RALA: variants seen among roughly 807,000 people sequenced by gnomAD.
RALA encodes RAS like proto-oncogene A, also known as ras-related protein Ral-A.
In RALA, 5 loss-of-function variants were observed where a neutral mutation model predicts 24.0. The observed-to-expected ratio is 0.21, with a 90% CI of 0.11 to 0.44. The LOEUF is 0.44. RALA is among the 20% of genes least tolerant of loss of function. RALA has a pLI of 0.99. For synonymous variants in RALA, 77 were observed against 83.8 expected, an observed-to-expected ratio of 0.92 and a Z score of 0.44; for missense variants, 95 against 241.2, an observed-to-expected ratio of 0.39 and a Z score of 4.01.
chr7:39,650,143 G>C (rs1421308660), intron 1 of RALA, among the ~76,000 whole-genome samples: 2 of 152,148 alleles, frequency 1.3e-5, no homozygotes, highest in Non-Finnish European at 2.9e-5. Context: ...GAGAATTTCT[G>C]GAGCAGTCTC....
chr7:39,666,544 A>T (rs1792289492), intron 1 of RALA, among the ~76,000 whole-genome samples: 1 of 152,240 alleles, frequency 6.6e-6, no homozygotes, highest in African/African-American at 2.4e-5. Flanking sequence ...CTTTAAATTT[A>T]AAAAGTGACA....
In RALA at chr7:39,648,883, A is replaced by C. The variant is rs555454298; in HGVS notation, c.-38+25058A>C. Among the ~76,000 whole-genome samples the C allele has an allele frequency of 2.6e-5, 4 of 152,236 alleles. 1 individual carries two copies. Among genetic ancestry groups the C allele is most frequent in the South Asian group, 2.1e-4 (1 of 4,818 alleles). On this transcript the variant is annotated intron_variant, in intron 1 of 4. Transcript: ENST00000005257. ...GAGACAGTAGAGGCAATAAGTCAAA[A>C]TCCAGTATCTACAAAAAATACAAAA...
intron 1 of RALA, among the ~76,000 whole-genome samples, chr7:39,628,128 A>G (rs941727637): frequency 1.3e-5 from 2 of 150,708 alleles, no homozygotes; most frequent in African/African-American, 4.9e-5. Flanking sequence ...CCTTCCCCTA[A>G]TCTAGTATAC....
intron 1 of RALA, among the ~76,000 whole-genome samples, chr7:39,676,813 G>A (rs1562619587): frequency 6.6e-6 from 1 of 152,174 alleles, no homozygotes; most frequent in Non-Finnish European, 1.5e-5. Flanking sequence ...TTAAGATAGA[G>A]AGTTTAGAGT....
At chr7:39,672,495 A>G (rs1381755819) in intron 1 of RALA, among the ~76,000 whole-genome samples, 1 of 152,146 alleles carries the variant, frequency 6.6e-6, no homozygotes, top group Non-Finnish European at 1.5e-5. Context: ...ACACCATACA[A>G]CCTACCAGTT....
chr7:39,678,765 A>C (rs891529435), intron 1 of RALA, among the ~76,000 whole-genome samples: 3 of 152,242 alleles, frequency 2.0e-5, no homozygotes, highest in African/African-American at 7.2e-5. Flanking sequence ...ATAAGGTACC[A>C]AGAACATAGT....
chr7:39,627,589 A>G (rs780659558), intron 1 of RALA, among the ~76,000 whole-genome samples: 18 of 152,236 alleles, frequency 1.2e-4, no homozygotes, highest in African/African-American at 3.9e-4. Flanking sequence ...TTTATTGGGA[A>G]GGTGGGCAAA....
At chr7:39,657,406 T>C (rs1792116913) in intron 1 of RALA, among the ~76,000 whole-genome samples, 2 of 152,244 alleles carry the variant, frequency 1.3e-5, no homozygotes, top group African/African-American at 4.8e-5. Context: ...AATTTCATTA[T>C]GTTTACTTTT....
chr7:39,628,376 TACACACACACACAC>T (rs36095637), intron 1 of RALA, among the ~76,000 whole-genome samples: 7 of 145,142 alleles, frequency 4.8e-5, no homozygotes, highest in East Asian at 4.1e-4. Flanking sequence ...ACCTCATAAC[TACACACACACACAC>T]ACACACACAC....
At chr7:39,663,928 G>T (rs1167080637) in intron 1 of RALA, among the ~76,000 whole-genome samples, 1 of 152,194 alleles carries the variant, frequency 6.6e-6, no homozygotes, top group Non-Finnish European at 1.5e-5. Context: ...GCAAGGGATG[G>T]TTTGATAATT....
chr7:39,686,623 C>A lies in RALA; in HGVS notation c.-37-8C>A, dbSNP rs548005597. ...ACTGAGCATTACTTATTCTTTCATT[C>A]TTCTTAGATTCTTCTTAATCCTTTG... is the stretch of plus-strand genomic sequence containing the variant. On this transcript the variant is annotated splice_region_variant and splice_polypyrimidine_tract_variant and intron_variant, in intron 1 of 4. Transcript: ENST00000005257. 1 of 1,436,854 alleles carries A rather than the reference C, an allele frequency of 7.0e-7. No individual in the cohort carries two copies. The highest frequency in any genetic ancestry group is 1.4e-5 in the African/African-American group (1 of 71,310). 89.0% of individuals were successfully genotyped at this position (1,436,854 alleles called of 1,614,324 possible).
chr7:39,660,505 T>A (rs1346006715), intron 1 of RALA, among the ~76,000 whole-genome samples: 1 of 152,206 alleles, frequency 6.6e-6, no homozygotes, highest in Non-Finnish European at 1.5e-5. Flanking sequence ...TCTCTCTTTT[T>A]TTAATGAATT....
At chr7:39,635,645 G>A (rs1172240529) in intron 1 of RALA, among the ~76,000 whole-genome samples, 2 of 152,118 alleles carry the variant, frequency 1.3e-5, no homozygotes, top group East Asian at 3.9e-4. Flanking sequence ...GGAGGATGGC[G>A]TTGGGATGAA....
At position 39,680,268 on chromosome 7, in the gene RALA, C is replaced by T. The variant is rs564232896; in HGVS notation, c.-37-6363C>T. Among the ~76,000 whole-genome samples the T allele has an allele frequency of 1.1e-4, 16 of 151,964 alleles. No individual in the cohort carries two copies. In the South Asian group the frequency reaches 3.3e-3, roughly 32 times the overall value. On this transcript the variant is annotated intron_variant, in intron 1 of 4. Transcript: ENST00000005257. ...CCTGTAGTCCCAGCTACTCGGGAGG[C>T]TGAGGCAAGAGAATTGCTTGAACCT...
chr7:39,624,419 C>G (rs1247130630), intron 1 of RALA: 1 of 152,146 alleles, frequency 6.6e-6, no homozygotes, highest in South Asian at 2.1e-4. Flanking sequence ...AGCTTTAGCC[C>G]ATTTTCAGGT....
intron 1 of RALA, chr7:39,624,310 G>GTT (rs35116603): frequency 0.2 from 27,242 of 138,228 alleles, 2,894 homozygotes; most frequent in South Asian, 0.29. Flanking sequence ...GTTTGTTTGT[G>GTT]TTTTTTTTTT....
chr7:39,659,857 G>C (rs1055392552), intron 1 of RALA, among the ~76,000 whole-genome samples: 1 of 152,042 alleles, frequency 6.6e-6, no homozygotes, highest in Admixed American at 6.6e-5. Context: ...TTGCTTTAGT[G>C]GCATGTATAT....
At chr7:39,684,292 A>T (rs977348387) in intron 1 of RALA, among the ~76,000 whole-genome samples, 1 of 152,220 alleles carries the variant, frequency 6.6e-6, no homozygotes, top group African/African-American at 2.4e-5. Flanking sequence ...TGATAGAATG[A>T]TAAGAACAGG....
chr7:39,650,201 G>T (rs1216320198), intron 1 of RALA, among the ~76,000 whole-genome samples: 1 of 152,178 alleles, frequency 6.6e-6, no homozygotes, highest in African/African-American at 2.4e-5. Flanking sequence ...GGAAGCATCG[G>T]GCTTACTAGG....
Sources: gnomAD v4.1 joint callset for allele counts (sites outside exome capture counted in the v4.1 genomes callset) on GRCh38, gnomAD v4.1.1 for gene constraint, MANE v1.5 for transcripts, NCBI Gene and HGNC (gene_info 2026-07-23, HGNC 2026-07-21) for gene names.